The following CD24 variants were observed in gnomAD, a reference collection of about 807,000 sequenced individuals.
The protein encoded by CD24 is CD24 molecule, also known as signal transducer CD24.
CD24 carries 2 observed loss-of-function variants against 3.6 expected under a neutral mutation model. The observed-to-expected ratio is 0.56, with a 90% confidence interval of 0.23 to 1.77. The LOEUF (loss-of-function observed/expected upper bound fraction) is 1.77, where lower values mean the gene tolerates loss of function less well. Among genes scored for constraint, CD24 ranks in the 40% most tolerant of loss-of-function variants. The probability of loss-of-function intolerance (pLI) is 0.18; values close to 1 mark genes in which losing one functional copy is unlikely to be tolerated. For synonymous variants in CD24, 33 were observed against 44.9 expected, an observed-to-expected ratio of 0.74 and a Z score of 1.06; for missense variants, 62 against 93.6, an observed-to-expected ratio of 0.66 and a Z score of 1.39.
rs1372227320 is a variant in CD24, at chr6:106,971,843, C to T, written c.70-9G>A. On this transcript the variant is annotated splice_polypyrimidine_tract_variant and intron_variant, in intron 1 of 1. Transcript: ENST00000606017. ...GTTTCACTGGAATAAATCTAAAATA[C>T]ATAAAAAGTTACATGGATACATTTC... is the stretch of plus-strand genomic sequence containing the variant. The T allele has an allele frequency of 5.9e-6, 9 of 1,521,880 alleles. No individual in the cohort carries two copies. The Middle Eastern group carries it at 9.3e-4, about 157-fold the overall frequency. 94.3% of individuals were successfully genotyped at this position (1,521,880 alleles called of 1,614,324 possible). A position where few individuals can be genotyped will look rare whatever the true frequency, so the allele number is the denominator to read the frequency against.
At chr6:106,974,034 A>T (rs1773040880) in intron 1 of CD24, 1 of 397,638 alleles carries the variant, frequency 2.5e-6, no homozygotes, top group Admixed American at 4.4e-5. Flanking sequence ...GGGTTTGTTT[A>T]AAAAGGGCCA....
At position 106,971,607 on chromosome 6, in the gene CD24, G is replaced by C; in HGVS notation, c.*54C>G. 1 of 1,474,422 alleles carries C rather than the reference G, an allele frequency of 6.8e-7. No individual in the cohort carries two copies. The highest frequency in any genetic ancestry group is 9.2e-7 in the Non-Finnish European group (1 of 1,088,446). The allele number at this position is 1,474,422 out of a possible 1,614,324, so 91.3% of individuals were successfully genotyped here. A position where few individuals can be genotyped will look rare whatever the true frequency, so the allele number is the denominator to read the frequency against. ...CACATTGGACTTCCAGACGCCATTT[G>C]GATTGGGTTTAGAAGATGGGGAAAT... On this transcript the variant is annotated 3_prime_UTR_variant, in exon 2 of 2. Transcript: ENST00000606017.
chr6:106,971,301 A>T lies in CD24; in HGVS notation c.*360T>A, dbSNP rs2114897388. 1 of 218,078 alleles carries T rather than the reference A, an allele frequency of 4.6e-6. No homozygotes were observed. The highest frequency in any genetic ancestry group is 1.6e-4 in the East Asian group (1 of 6,102). The allele number at this position is 218,078 out of a possible 1,614,324, so 13.5% of individuals were successfully genotyped here. ...TGAACCAAATGAAAACTGAATCTCC[A>T]TTCCACAATCCCATCCTTTATTTCT... On this transcript the variant is annotated 3_prime_UTR_variant, in exon 2 of 2. Coordinates refer to ENST00000606017, the MANE Select transcript of CD24 (RefSeq NM_001359084.1).
chr6:106,973,908 A>G (rs2114900626), intron 1 of CD24: 2 of 398,552 alleles, frequency 5.0e-6, no homozygotes, highest in East Asian at 7.1e-5. Context: ...GAACTAGCCA[A>G]TCTGGGCTAA....
At chr6:106,973,794 G>A (rs996001876) in intron 1 of CD24, 11 of 398,386 alleles carry the variant, frequency 2.8e-5, no homozygotes, top group East Asian at 1.1e-4. Flanking sequence ...CCCGGGGCGA[G>A]GTTCCCCGGA....
In CD24 at chr6:106,970,878, G is replaced by A. The variant is rs1248870238; in HGVS notation, c.*783C>T. On this transcript the variant is annotated 3_prime_UTR_variant, in exon 2 of 2. Transcript: ENST00000606017. ...AATGCAATTCTACTCTTTGGAATCCGTTTAGCTAAATGAATGTAGTGCTCT... is the reference window on the plus strand; with the variant it reads ...AATGCAATTCTACTCTTTGGAATCCATTTAGCTAAATGAATGTAGTGCTCT... 5 of 152,170 alleles carry A rather than the reference G, an allele frequency of 3.3e-5. No individual in the cohort carries two copies. Among genetic ancestry groups the A allele is most frequent in the South Asian group, 2.1e-4 (1 of 4,824 alleles). 9.4% of individuals were successfully genotyped at this position (152,170 alleles called of 1,614,324 possible).
rs1411693616 is a variant in CD24 at position 106,969,836 on chromosome 6, C to T, written c.*1825G>A. 1 of 152,234 alleles carries T rather than the reference C, an allele frequency of 6.6e-6. No individual in the cohort carries two copies. The highest frequency in any genetic ancestry group is 2.4e-5 in the African/African-American group (1 of 41,336). The allele number at this position is 152,234 out of a possible 1,614,324, so 9.4% of individuals were successfully genotyped here. On this transcript the variant is annotated 3_prime_UTR_variant, in exon 2 of 2. Coordinates refer to ENST00000606017, the MANE Select transcript of CD24 (RefSeq NM_001359084.1). ...GAAAAACTTAAAATGCAAGATTGCT[C>T]TTTCAGCCATTTCTTTTTATTTACA... is the stretch of plus-strand genomic sequence containing the variant.
chr6:106,974,069 C>A, intron 1 of CD24: 1 of 397,238 alleles, frequency 2.5e-6, no homozygotes, highest in Non-Finnish European at 4.4e-6. Context: ...CTCCGGGATA[C>A]CCAATCCAAC....
rs1427823581 is a variant in CD24, at chr6:106,970,962, A to G, written c.*699T>C. ...CCATTTGACTCAATATGGATAATCA[A>G]GAGTTGCTCAGGATGCTTGGATCTG... is the stretch of plus-strand genomic sequence containing the variant. On this transcript the variant is annotated 3_prime_UTR_variant, in exon 2 of 2. Coordinates refer to ENST00000606017, the MANE Select transcript of CD24 (RefSeq NM_001359084.1). 6.6e-6 allele frequency: 1 copy of G among 152,290 alleles called. No homozygotes were observed. Among genetic ancestry groups the G allele is most frequent in the African/African-American group, 2.4e-5 (1 of 41,452 alleles). The allele number at this position is 152,290 out of a possible 1,614,324, so 9.4% of individuals were successfully genotyped here.
intron 1 of CD24, chr6:106,973,454 A>G (rs886508111): frequency 7.7e-6 from 3 of 388,742 alleles, no homozygotes; most frequent in African/African-American, 4.1e-5. Context: ...GGAAGACAAT[A>G]GGGTACGGTT....
upstream of CD24, among the ~76,000 whole-genome samples, chr6:106,975,847 C>T (rs1011617948): frequency 6.6e-6 from 1 of 152,250 alleles, no homozygotes; most frequent in Admixed American, 6.5e-5. Flanking sequence ...GTCTCTGTTG[C>T]CCGTCATTCG....
At chr6:106,975,849 C>A (rs1773100788), upstream of CD24, among the ~76,000 whole-genome samples, 1 of 152,208 alleles carries the variant, frequency 6.6e-6, no homozygotes, top group Admixed American at 6.5e-5. Flanking sequence ...CTCTGTTGCC[C>A]GTCATTCGTT....
rs1222970831 is a variant in CD24 at position 106,970,375 on chromosome 6, CCA to C, written c.*1284_*1285del. 0.081 allele frequency: 12,436 copies of C among 152,674 alleles called. 545 individuals carry two copies. Among genetic ancestry groups the C allele is most frequent in the East Asian group, 0.13 (696 of 5,182 alleles). The allele number at this position is 152,674 out of a possible 1,614,324, so 9.5% of individuals were successfully genotyped here. On this transcript the variant is annotated 3_prime_UTR_variant, in exon 2 of 2. Transcript: ENST00000606017. Reference sequence around the variant, plus strand: ...TTGTGAATTTAATGCAAATTAGCTTCCAGTCTTCACTTCCCAAATACTTGATT... The same window carrying C: ...TTGTGAATTTAATGCAAATTAGCTTCGTCTTCACTTCCCAAATACTTGATT...
upstream of CD24, among the ~76,000 whole-genome samples, chr6:106,976,836 C>A (rs1773114174): frequency 6.6e-6 from 1 of 151,950 alleles, no homozygotes; most frequent in Non-Finnish European, 1.5e-5. Context: ...CATTGCATTC[C>A]AGCCTGGGCA....
Position 106,974,611 on chromosome 6 carries a change from C to T in CD24, c.36G>A (p.Gly12=). Residue 12 remains glycine (G), a synonymous_variant, in exon 1 of 2, where the codon GGG becomes GGA. Transcript: ENST00000606017. The part of the protein sequence containing the change: ...GRAMVARLGL[G]LLLLALLLPT... ...GTAGGAGCAGTGCCAGCAGCAGCAG[C>T]CCCAGCCCGAGCCTGGCCACCATTG... The T allele has an allele frequency of 1.4e-6, 2 of 1,466,170 alleles. No homozygotes were observed. The highest frequency in any genetic ancestry group is 1.8e-6 in the Non-Finnish European group (2 of 1,116,294). The allele number at this position is 1,466,170 out of a possible 1,614,324, so 90.8% of individuals were successfully genotyped here. A position where few individuals can be genotyped will look rare whatever the true frequency, so the allele number is the denominator to read the frequency against.
In CD24 at chr6:106,974,540, G is replaced by T. The variant is rs1054338766; in HGVS notation, c.69+38C>A. On this transcript the variant is annotated intron_variant, in intron 1 of 1. Coordinates refer to ENST00000606017, the MANE Select transcript of CD24 (RefSeq NM_001359084.1). The stretch of plus-strand genomic sequence containing the variant: ...TCCATCTCCCCTGCCCCCACCCCGG[G>T]AACGGCCCTCGAGCCCCGCCGGGCG... 1,988 of 1,297,868 alleles carry T rather than the reference G, an allele frequency of 1.5e-3. 34 individuals are homozygous for T. The African/African-American group carries it at 0.028, about 19-fold the overall frequency. 80.4% of individuals were successfully genotyped at this position (1,297,868 alleles called of 1,614,324 possible).
chr6:106,975,874 G>A (rs1022998975), upstream of CD24, among the ~76,000 whole-genome samples: 20 of 152,178 alleles, frequency 1.3e-4, no homozygotes, highest in African/African-American at 4.8e-4. Context: ...GAGCAGAACC[G>A]TTCGAGATAA....
chr6:106,973,501 G>A (rs1472164080), intron 1 of CD24: 1 of 396,798 alleles, frequency 2.5e-6, no homozygotes, highest in African/African-American at 2.1e-5. Flanking sequence ...TCCACACTCA[G>A]GCTGCACTCC....
In CD24 at chr6:106,974,648, T is replaced by TC. The variant is rs1773060841; in HGVS notation, c.-3dup. 1 of 1,494,340 alleles carries TC rather than the reference T, an allele frequency of 6.7e-7. No individual in the cohort carries two copies. The highest frequency in any genetic ancestry group is 1.5e-5 in the African/African-American group (1 of 68,746). The allele number at this position is 1,494,340 out of a possible 1,614,324, so 92.6% of individuals were successfully genotyped here. On this transcript the variant is annotated 5_prime_UTR_variant, in exon 1 of 2. Coordinates refer to ENST00000606017, the MANE Select transcript of CD24 (RefSeq NM_001359084.1). ...CCTGGCCACCATTGCTCTGCCCATG[T>TC]CCCCTCCGTCGGTGCGCGGCGCGTC...
Sources: gnomAD v4.1 joint callset for allele counts (sites outside exome capture counted in the v4.1 genomes callset) on GRCh38, gnomAD v4.1.1 for gene constraint, MANE v1.5 for transcripts, NCBI Gene and HGNC (gene_info 2026-07-23, HGNC 2026-07-21) for gene names.